PXDNL: variants seen among roughly 807,000 people sequenced by gnomAD.
The protein encoded by PXDNL is probable oxidoreductase PXDNL.
A neutral mutation model predicts 150.8 loss-of-function variants in PXDNL; 145 were observed. The ratio of observed to expected loss-of-function variants is 0.96; its 90% CI spans 0.84 to 1.10. The LOEUF is 1.10. PXDNL is among the 50% of genes least tolerant of loss of function. The pLI is 0.00. For missense variants in PXDNL, 2,087 were observed against 1,873.9 expected (o/e 1.11, Z -2.10); for synonymous variants, 757 against 725.7 (o/e 1.04, Z -0.69).
intron 3 of PXDNL, among the ~76,000 whole-genome samples, chr8:51,561,747 G>C (rs1026854852): frequency 6.6e-6 from 1 of 151,788 alleles, no homozygotes; most frequent in Non-Finnish European, 1.5e-5. Flanking sequence ...GTTATTTAAT[G>C]GGTATAGAGT....
At chr8:51,644,416 A>ATC (rs1814868049) in intron 2 of PXDNL, among the ~76,000 whole-genome samples, 1 of 50,780 alleles carries the variant, frequency 2.0e-5, no homozygotes, top group Non-Finnish European at 4.8e-5. Flanking sequence ...ATGTGTGTGT[A>ATC]TATATATACA....
intron 1 of PXDNL, among the ~76,000 whole-genome samples, chr8:51,754,336 T>G (rs1292045272): frequency 6.6e-6 from 1 of 152,196 alleles, no homozygotes; most frequent in Non-Finnish European, 1.5e-5. Flanking sequence ...CAGGGGCTGT[T>G]GATCCCATTG....
chr8:51,408,428 G>C lies in PXDNL; in HGVS notation c.3196C>G (p.Arg1066Gly). 6.2e-7 allele frequency: 1 copy of C among 1,614,004 alleles called. No individual in the cohort carries two copies. Among genetic ancestry groups the C allele is most frequent in the Non-Finnish European group, 8.5e-7 (1 of 1,179,878 alleles). ...GHTLINPILY[R>G]LNATLGEISE... ...ATTTCACCTAAGGTGGCATTCAGTCGGTAAAGAATAGGATTGATTAATGTG... is the reference window on the plus strand; with the variant it reads ...ATTTCACCTAAGGTGGCATTCAGTCCGTAAAGAATAGGATTGATTAATGTG... The change falls in exon 17 of 23, where the codon CGA becomes GGA. Residue 1066 changes from arginine (R) to glycine (G), a missense_variant. Arg to Gly is a moderately radical substitution (Grantham distance 125, BLOSUM62 -2). Transcript: ENST00000356297.
In PXDNL at chr8:51,475,155, C is replaced by A. The variant is rs771911442; in HGVS notation, c.525-14G>T. On this transcript the variant is annotated splice_polypyrimidine_tract_variant and intron_variant, in intron 6 of 22. Transcript: ENST00000356297. ...GAATCCAGACGCCTAGGCATGCAGG[C>A]AAGAAGTACAACTGTTAAAAGGGAC... 1 of 1,607,000 alleles carries A rather than the reference C, an allele frequency of 6.2e-7. No homozygotes were observed. Among genetic ancestry groups the A allele is most frequent in the Non-Finnish European group, 8.5e-7 (1 of 1,175,070 alleles).
At chr8:51,612,906 T>C (rs773823053) in intron 2 of PXDNL, among the ~76,000 whole-genome samples, 2 of 152,234 alleles carry the variant, frequency 1.3e-5, no homozygotes, top group Admixed American at 6.5e-5. Context: ...TTCTACACCA[T>C]GTCTGAACCT....
intron 6 of PXDNL, 25 bp from the exon 7 acceptor site, chr8:51,475,166 A>C (rs1810445617): frequency 6.3e-7 from 1 of 1,598,196 alleles, no homozygotes; most frequent in African/African-American, 1.3e-5. Flanking sequence ...AAGAAGTACA[A>C]CTGTTAAAAG....
intron 12 of PXDNL, among the ~76,000 whole-genome samples, chr8:51,432,983 G>A (rs2129813624): frequency 6.6e-6 from 1 of 152,200 alleles, no homozygotes; most frequent in East Asian, 1.9e-4. Context: ...CAAGGCGGGT[G>A]GGGAACACTT....
chr8:51,719,596 T>C (rs920532185), intron 1 of PXDNL, among the ~76,000 whole-genome samples: 2 of 151,120 alleles, frequency 1.3e-5, no homozygotes, highest in Non-Finnish European at 2.9e-5. Context: ...CCTATGACCC[T>C]GCCAAATCCC....
intron 4 of PXDNL, among the ~76,000 whole-genome samples, chr8:51,538,640 G>A (rs140126160): frequency 0.019 from 2,850 of 152,096 alleles, 37 homozygotes; most frequent in African/African-American, 0.035. Context: ...GGTGGTGGGC[G>A]TCTGTAATCC....
chr8:51,733,831 AT>A lies in PXDNL; in HGVS notation c.164+75349del, dbSNP rs398067805. Among the ~76,000 whole-genome samples the A allele has an allele frequency of 4.2e-5, 6 of 141,484 alleles. No individual in the cohort carries two copies. In the East Asian group the frequency reaches 5.9e-4, roughly 14 times the overall value. 92.8% of individuals were successfully genotyped at this position (141,484 alleles called of 152,430 possible). Reference sequence around the variant, plus strand: ...TCAAATAATATATATATATATATATATAATTTATATATATATGATATATATG... The same window carrying A: ...TCAAATAATATATATATATATATATAAATTTATATATATATGATATATATG... On this transcript the variant is annotated intron_variant, in intron 1 of 22. Transcript: ENST00000356297.
chr8:51,631,497 T>C (rs973192420), intron 2 of PXDNL, among the ~76,000 whole-genome samples: 2 of 152,142 alleles, frequency 1.3e-5, no homozygotes, highest in African/African-American at 4.8e-5. Context: ...AGAGATTTTA[T>C]TGTTAGTGGA....
intron 12 of PXDNL, among the ~76,000 whole-genome samples, chr8:51,430,820 C>G (rs1056269501): frequency 6.6e-6 from 1 of 152,192 alleles, no homozygotes; most frequent in Non-Finnish European, 1.5e-5. Context: ...TGCATTTCTT[C>G]TCACAAAATA....
chr8:51,624,631 C>G (rs1814329675), intron 2 of PXDNL, among the ~76,000 whole-genome samples: 1 of 148,850 alleles, frequency 6.7e-6, no homozygotes, highest in Non-Finnish European at 1.5e-5. Flanking sequence ...TGTTTAGAGC[C>G]TATTCTACCT....
At chr8:51,716,664 C>A (rs1007693950) in intron 1 of PXDNL, among the ~76,000 whole-genome samples, 1 of 152,166 alleles carries the variant, frequency 6.6e-6, no homozygotes, top group Non-Finnish European at 1.5e-5. Flanking sequence ...GTGTATCTAA[C>A]TCATATTTCA....
At chr8:51,407,599 G>A (rs546539645) in intron 17 of PXDNL, among the ~76,000 whole-genome samples, 2 of 152,264 alleles carry the variant, frequency 1.3e-5, no homozygotes, top group Non-Finnish European at 2.9e-5. Context: ...AGGATGCAGT[G>A]AAAAAGCCCT....
chr8:51,374,396 CTT>C (rs1339788881), intron 18 of PXDNL, among the ~76,000 whole-genome samples, 199 bp downstream of exon 18: 2 of 152,168 alleles, frequency 1.3e-5, no homozygotes, highest in African/African-American at 4.8e-5. Context: ...TGTTTCTTCT[CTT>C]CTTACAAAGA....
At chr8:51,426,338 A>G (rs1206027252) in intron 13 of PXDNL, among the ~76,000 whole-genome samples, 1 of 152,190 alleles carries the variant, frequency 6.6e-6, no homozygotes, top group Non-Finnish European at 1.5e-5. Context: ...ATTAGCCACT[A>G]AACTCTTAAT....
chr8:51,403,783 C>T lies in PXDNL; in HGVS notation c.3557+4284G>A, dbSNP rs1586075679. On this transcript the variant is annotated intron_variant, in intron 17 of 22. Coordinates refer to ENST00000356297, the MANE Select transcript of PXDNL (RefSeq NM_144651.5). The stretch of plus-strand genomic sequence containing the variant: ...TCTCCGATGTTATGGTATTAATAAG[C>T]GGGGCCTTAGGTGGTGATTAGGTCA... 2.0e-5 allele frequency among the ~76,000 whole-genome samples: 3 copies of T among 152,186 alleles called. No homozygotes were observed. The South Asian group carries it at 6.2e-4, about 32-fold the overall frequency.
intron 2 of PXDNL, among the ~76,000 whole-genome samples, chr8:51,610,444 A>G (rs1813976588): frequency 6.6e-6 from 1 of 152,244 alleles, no homozygotes; most frequent in African/African-American, 2.4e-5. Context: ...CAGGACTACC[A>G]GTATTAATAG....
Sources: gnomAD v4.1 joint callset for allele counts (sites outside exome capture counted in the v4.1 genomes callset) on GRCh38, gnomAD v4.1.1 for gene constraint, MANE v1.5 for transcripts, NCBI Gene and HGNC (gene_info 2026-07-23, HGNC 2026-07-21) for gene names.